JAKMIP3: variants seen among roughly 807,000 people sequenced by gnomAD.
JAKMIP3 encodes the protein janus kinase and microtubule-interacting protein 3.
In JAKMIP3, 58 loss-of-function variants were observed where a neutral mutation model predicts 118.5. The observed-to-expected ratio is 0.49, with a 90% confidence interval of 0.40 to 0.61. The LOEUF (loss-of-function observed/expected upper bound fraction) is 0.61, where lower values mean the gene tolerates loss of function less well. Among genes scored for constraint, JAKMIP3 ranks in the 20% least tolerant of loss-of-function variants. The pLI is 0.00. For missense variants in JAKMIP3, 950 were observed against 1,109.0 expected (o/e 0.86, Z 2.04); for synonymous variants, 486 against 451.2 (o/e 1.08, Z -0.98).
chr10:132,141,852 G>C, intron 10 of JAKMIP3, 68 bp from the exon 11 acceptor site: 1 of 1,533,786 alleles, frequency 6.5e-7, no homozygotes, highest in South Asian at 1.2e-5. Flanking sequence ...CCGGGGCCCC[G>C]CCATCGGAGG....
At chr10:132,042,537 A>G (rs946842722) in intron 1 of JAKMIP3, among the ~76,000 whole-genome samples, 3 of 151,930 alleles carry the variant, frequency 2.0e-5, no homozygotes, top group African/African-American at 7.3e-5. Flanking sequence ...ACTCCTCTTC[A>G]TGGTGCGGCC....
chr10:132,147,423 C>T (rs928214387), intron 13 of JAKMIP3, among the ~76,000 whole-genome samples: 1 of 152,202 alleles, frequency 6.6e-6, no homozygotes, highest in Admixed American at 6.5e-5. Context: ...GTAACTGGTT[C>T]CGTTTAAACA....
chr10:132,078,706 TG>T (rs1257536108), intron 1 of JAKMIP3, among the ~76,000 whole-genome samples: 1 of 152,152 alleles, frequency 6.6e-6, no homozygotes, highest in East Asian at 1.9e-4. Context: ...CTTTTCCAGT[TG>T]GGTAAAACTG....
chr10:132,157,363 C>T (rs1344942943), intron 19 of JAKMIP3, among the ~76,000 whole-genome samples: 1 of 152,082 alleles, frequency 6.6e-6, no homozygotes, highest in Admixed American at 6.5e-5. Context: ...TTGGTGTGAG[C>T]GCATCATGGA....
chr10:132,083,767 A>G (rs2042058067), intron 1 of JAKMIP3, among the ~76,000 whole-genome samples: 1 of 152,208 alleles, frequency 6.6e-6, no homozygotes, highest in African/African-American at 2.4e-5. Flanking sequence ...CAGGTATCCC[A>G]GCACCATTTG....
At position 132,180,523 on chromosome 10, in the gene JAKMIP3, CTG is replaced by C. The variant is rs760742595; in HGVS notation, c.*1104-1813_*1104-1812del. On this transcript the variant is annotated intron_variant, in intron 23 of 23. Coordinates refer to ENST00000684848, the MANE Select transcript of JAKMIP3 (RefSeq NM_001323087.2). ...GAAGACTGCAAACCTGGAAGCAGAA[CTG>C]TGTGTGTGTGTGTGTGTGTGCGTGC... Among the ~76,000 whole-genome samples, 150 of 74,408 alleles carry C rather than the reference CTG, an allele frequency of 2.0e-3. 28 individuals carry two copies. The highest frequency in any genetic ancestry group is 5.8e-3 in the Middle Eastern group (1 of 172). 48.8% of individuals were successfully genotyped at this position (74,408 alleles called of 152,430 possible). A position where few individuals can be genotyped will look rare whatever the true frequency, so the allele number is the denominator to read the frequency against.
At chr10:132,090,274 C>T (rs1477744037) in intron 1 of JAKMIP3, among the ~76,000 whole-genome samples, 2 of 152,168 alleles carry the variant, frequency 1.3e-5, no homozygotes, top group South Asian at 2.1e-4. Context: ...GGAATAGTTT[C>T]GGAAAGAATG....
chr10:132,148,585 G>A (rs118144249), intron 14 of JAKMIP3, among the ~76,000 whole-genome samples: 15 of 152,264 alleles, frequency 9.9e-5, no homozygotes, highest in African/African-American at 1.2e-4. Context: ...GGCCTCCGCC[G>A]TCGGCAGACG....
intron 4 of JAKMIP3, among the ~76,000 whole-genome samples, chr10:132,134,704 G>A (rs146381496): frequency 2.6e-4 from 39 of 152,360 alleles, no homozygotes; most frequent in African/African-American, 6.7e-4. Context: ...ACCCACACTC[G>A]CGGTTTCTGC....
chr10:132,151,185 A>G (rs1318637195), intron 16 of JAKMIP3, among the ~76,000 whole-genome samples: 3 of 151,868 alleles, frequency 2.0e-5, no homozygotes, highest in South Asian at 2.1e-4. Flanking sequence ...TCCACCCTCC[A>G]TAATTTATCT....
chr10:132,110,978 C>T (rs2046772496), intron 2 of JAKMIP3, among the ~76,000 whole-genome samples: 2 of 152,242 alleles, frequency 1.3e-5, no homozygotes, highest in Admixed American at 1.3e-4. Flanking sequence ...CAGCAGGGCC[C>T]CTGATGCCTG....
At chr10:132,113,682 C>T (rs1173003318) in intron 2 of JAKMIP3, among the ~76,000 whole-genome samples, 1 of 152,170 alleles carries the variant, frequency 6.6e-6, no homozygotes, top group African/African-American at 2.4e-5. Flanking sequence ...TGTACCAGGT[C>T]ATGGAGACAC....
intron 5 of JAKMIP3, 37 bp from the exon 6 acceptor site, chr10:132,135,893 C>G (rs1271735328): frequency 6.3e-7 from 1 of 1,589,912 alleles, no homozygotes; most frequent in South Asian, 1.1e-5. Flanking sequence ...GGTTCTCCGT[C>G]ACTTAAAGAA....
chr10:132,180,784 C>CGTGTGTGTGCAT (rs747427248), intron 23 of JAKMIP3, among the ~76,000 whole-genome samples: 1 of 54,816 alleles, frequency 1.8e-5, no homozygotes, highest in Non-Finnish European at 3.6e-5. Context: ...TGTGTGTGTG[C>CGTGTGTGTGCAT]GCGTATGCAT....
In JAKMIP3 at chr10:132,040,357, A is replaced by G. The variant is rs547913515; in HGVS notation, c.-138+3619A>G. 5.3e-5 allele frequency among the ~76,000 whole-genome samples: 8 copies of G among 152,206 alleles called. No homozygotes were observed. The South Asian group carries it at 1.7e-3, about 32-fold the overall frequency. Reference sequence around the variant, plus strand: ...TTGTTTAGGCTGCCTGGTCTGTGGCATATTGTGATGGGGATGAGCTGACCG... The same window carrying G: ...TTGTTTAGGCTGCCTGGTCTGTGGCGTATTGTGATGGGGATGAGCTGACCG... On this transcript the variant is annotated intron_variant, in intron 1 of 23. Coordinates refer to the JAKMIP3 transcript ENST00000657785.
intron 1 of JAKMIP3, among the ~76,000 whole-genome samples, chr10:132,048,081 G>A (rs1248817648): frequency 1.3e-5 from 2 of 152,222 alleles, no homozygotes; most frequent in African/African-American, 2.4e-5. Context: ...GAACGAGGTC[G>A]TGCATTTTGG....
chr10:132,104,594 GC>G, intron 1 of JAKMIP3, 77 bp from the exon 2 acceptor site: 1 of 580,534 alleles, frequency 1.7e-6, no homozygotes, highest in South Asian at 2.1e-5. Context: ...ACGTGCCCCT[GC>G]CCCGGCACAC....
chr10:132,111,616 C>T (rs981125019), intron 2 of JAKMIP3, among the ~76,000 whole-genome samples: 3 of 151,952 alleles, frequency 2.0e-5, no homozygotes, highest in Non-Finnish European at 4.4e-5. Flanking sequence ...GGTTACTGAT[C>T]ACTATGCTGG....
At chr10:132,109,714 C>T (rs2046556982) in intron 2 of JAKMIP3, among the ~76,000 whole-genome samples, 1 of 152,152 alleles carries the variant, frequency 6.6e-6, no homozygotes, top group Admixed American at 6.5e-5. Context: ...TTCGAGTCTT[C>T]CTGAGTGGGG....
Sources: allele counts gnomAD v4.1 joint callset (sites outside exome capture counted in the v4.1 genomes callset), GRCh38; gene constraint gnomAD v4.1.1; transcripts MANE v1.5; gene names NCBI Gene and HGNC (gene_info 2026-07-23, HGNC 2026-07-21).